SLC39A10: variants seen among roughly 807,000 people sequenced by gnomAD.
The protein encoded by SLC39A10 is zinc transporter ZIP10.
SLC39A10 carries 13 observed loss-of-function variants against 65.1 expected under a neutral mutation model. The ratio of observed to expected loss-of-function variants is 0.20; its 90% CI spans 0.13 to 0.32. SLC39A10 has a LOEUF of 0.32. Among genes scored for constraint, SLC39A10 ranks in the 10% least tolerant of loss-of-function variants. The probability of loss-of-function intolerance (pLI) is 1.00; values close to 1 mark genes in which losing one functional copy is unlikely to be tolerated. For synonymous variants in SLC39A10, 321 were observed against 342.2 expected (o/e 0.94, Z 0.68); for missense variants, 831 against 1,018.4 (o/e 0.82, Z 2.50).
Position 195,680,455 on chromosome 2 carries a change from A to C in SLC39A10, c.413A>C (p.Glu138Ala). Residue 138 changes from glutamate to alanine, a missense_variant, in exon 2 of 10, where the codon GAA (glutamate) becomes GCA (alanine). Glu to Ala is a moderately radical substitution (Grantham distance 107). Coordinates refer to ENST00000359634, the MANE Select transcript of SLC39A10 (RefSeq NM_020342.3). ...CATTCCCATAATCATTTAAATTCAG[A>C]AAATCAAACTGTGACCAGTGTATCC... Reference protein sequence around the residue: ...HQHSHNHLNSENQTVTSVSTK... With the variant: ...HQHSHNHLNSANQTVTSVSTK... 6.2e-7 allele frequency: 1 copy of C among 1,614,194 alleles called. No individual in the cohort carries two copies. The highest frequency in any genetic ancestry group is 8.5e-7 in the Non-Finnish European group (1 of 1,180,040).
intron 3 of SLC39A10, among the ~76,000 whole-genome samples, chr2:195,703,279 C>T (rs1489211727): frequency 2.0e-5 from 3 of 152,124 alleles, no homozygotes; most frequent in African/African-American, 4.8e-5. Context: ...GAACAATTCT[C>T]TTTTTAAAGG....
At chr2:195,667,246 C>T (rs999453246) in intron 1 of SLC39A10, among the ~76,000 whole-genome samples, 5 of 147,454 alleles carry the variant, frequency 3.4e-5, no homozygotes, top group African/African-American at 1.3e-4. Context: ...AGTGGCATTC[C>T]AAACTGTGAA....
At chr2:195,648,757 G>A (rs1688975350) in intron 2 of SLC39A10, among the ~76,000 whole-genome samples, 1 of 152,156 alleles carries the variant, frequency 6.6e-6, no homozygotes, top group Non-Finnish European at 1.5e-5. Context: ...CTGGGATCCT[G>A]GCTCTGCCAT....
At chr2:195,626,332 A>G (rs1200096227) in intron 2 of SLC39A10, among the ~76,000 whole-genome samples, 1 of 151,828 alleles carries the variant, frequency 6.6e-6, no homozygotes, top group Non-Finnish European at 1.5e-5. Context: ...ATGACCAAAA[A>G]CCCTAAAATG....
intron 1 of SLC39A10, among the ~76,000 whole-genome samples, chr2:195,662,661 CTT>C (rs1559021314): frequency 6.6e-6 from 1 of 152,090 alleles, no homozygotes; most frequent in Non-Finnish European, 1.5e-5. Context: ...TCTAAATTCA[CTT>C]TTATATATTT....
chr2:195,625,441 A>G (rs1688452581), intron 2 of SLC39A10, among the ~76,000 whole-genome samples: 1 of 151,268 alleles, frequency 6.6e-6, no homozygotes, highest in African/African-American at 2.4e-5. Flanking sequence ...ACGCCCGGCT[A>G]ATTTTTTGTA....
At chr2:195,623,838 C>T (rs1232583209) in intron 2 of SLC39A10, among the ~76,000 whole-genome samples, 2 of 150,878 alleles carry the variant, frequency 1.3e-5, no homozygotes, top group African/African-American at 4.9e-5. Flanking sequence ...ATATTCCATC[C>T]AAGTAAGGAG....
At chr2:195,614,945 A>T (rs1688174075) in intron 2 of SLC39A10, among the ~76,000 whole-genome samples, 1 of 152,034 alleles carries the variant, frequency 6.6e-6, no homozygotes, top group South Asian at 2.1e-4. Flanking sequence ...TAGCTACTCG[A>T]GAGGCTGAGG....
chr2:195,689,777 G>T (rs1690659250), intron 3 of SLC39A10, among the ~76,000 whole-genome samples: 1 of 152,058 alleles, frequency 6.6e-6, no homozygotes, highest in African/African-American at 2.4e-5. Context: ...TTATGATTTT[G>T]ATTAAGCATC....
intron 8 of SLC39A10, among the ~76,000 whole-genome samples, chr2:195,721,984 G>C (rs1692061407): frequency 6.6e-6 from 1 of 152,158 alleles, no homozygotes; most frequent in African/African-American, 2.4e-5. Context: ...ATTTCTCATT[G>C]AAGGAGTGAC....
intron 8 of SLC39A10, among the ~76,000 whole-genome samples, chr2:195,725,915 C>T (rs1692219678): frequency 1.3e-5 from 2 of 152,074 alleles, no homozygotes; most frequent in South Asian, 2.1e-4. Flanking sequence ...ATTACAGGAA[C>T]AGAAAGCAGA....
At chr2:195,646,276 A>G (rs1178658140) in intron 2 of SLC39A10, among the ~76,000 whole-genome samples, 1 of 152,048 alleles carries the variant, frequency 6.6e-6, no homozygotes, top group Non-Finnish European at 1.5e-5. Context: ...TTATTTACTT[A>G]AGCGTACCCT....
At chr2:195,682,532 T>G (rs1690365090) in intron 2 of SLC39A10, among the ~76,000 whole-genome samples, 1 of 152,168 alleles carries the variant, frequency 6.6e-6, no homozygotes, top group Non-Finnish European at 1.5e-5. Context: ...CCTCAAGTAG[T>G]TCTCCAGCCT....
intron 2 of SLC39A10, among the ~76,000 whole-genome samples, chr2:195,625,568 C>T (rs1461737224): frequency 6.6e-6 from 1 of 152,062 alleles, no homozygotes; most frequent in African/African-American, 2.4e-5. Context: ...TGAGCCACTG[C>T]GCCCAGCCTG....
intron 8 of SLC39A10, among the ~76,000 whole-genome samples, chr2:195,724,242 C>A (rs1038018492): frequency 1.7e-4 from 26 of 152,048 alleles, no homozygotes; most frequent in African/African-American, 6.3e-4. Flanking sequence ...GCAGGCACAC[C>A]TCATTCATTG....
chr2:195,626,543 C>G (rs935670621), intron 2 of SLC39A10, among the ~76,000 whole-genome samples: 1 of 152,022 alleles, frequency 6.6e-6, no homozygotes, highest in Non-Finnish European at 1.5e-5. Context: ...GAAAATAATA[C>G]AAGTACTTTT....
upstream of SLC39A10, among the ~76,000 whole-genome samples, chr2:195,653,663 G>C (rs1689086104): frequency 6.6e-6 from 1 of 152,202 alleles, no homozygotes. Context: ...ATCATGCCTG[G>C]TACTAGTGTT....
intron 1 of SLC39A10, among the ~76,000 whole-genome samples, chr2:195,673,203 A>G (rs1689941026): frequency 6.6e-6 from 1 of 152,168 alleles, no homozygotes; most frequent in Non-Finnish European, 1.5e-5. Flanking sequence ...ATTTTGAGAC[A>G]ATGTCTCTTA....
intron 6 of SLC39A10, among the ~76,000 whole-genome samples, chr2:195,715,963 T>A (rs1338338772): frequency 6.6e-6 from 1 of 152,204 alleles, no homozygotes; most frequent in Non-Finnish European, 1.5e-5. Context: ...GTGTATTAAG[T>A]TTCACTGGAA....
Sources: gnomAD v4.1 joint callset for allele counts (sites outside exome capture counted in the v4.1 genomes callset) on GRCh38, gnomAD v4.1.1 for gene constraint, MANE v1.5 for transcripts, NCBI Gene and HGNC (gene_info 2026-07-23, HGNC 2026-07-21) for gene names.